Variants in EFCAB7 observed in about 807,000 individuals in gnomAD.
EFCAB7 encodes EF-hand calcium binding domain 7, also known as EF-hand calcium-binding domain-containing protein 7.
In EFCAB7, 66 loss-of-function variants were observed where a neutral mutation model predicts 77.1. That is an observed-to-expected ratio of 0.86 (90% confidence interval 0.70 to 1.05). The LOEUF is 1.05. EFCAB7 is among the 50% of genes least tolerant of loss of function. The pLI, the probability that EFCAB7 is intolerant of heterozygous loss-of-function variation, is 0.00. For synonymous variants in EFCAB7, 225 were observed against 243.3 expected (o/e 0.92, Z 0.70); for missense variants, 638 against 730.5 (o/e 0.87, Z 1.46).
At chr1:63,523,853 G>C (rs933490009) in intron 1 of EFCAB7, among the ~76,000 whole-genome samples, 1 of 151,980 alleles carries the variant, frequency 6.6e-6, no homozygotes, top group African/African-American at 2.4e-5. Flanking sequence ...GTGTAGGGAC[G>C]GTGACTGGAC....
intron 6 of EFCAB7, among the ~76,000 whole-genome samples, chr1:63,539,491 A>G (rs1004863836): frequency 2.0e-5 from 3 of 152,232 alleles, no homozygotes; most frequent in Non-Finnish European, 4.4e-5. Context: ...GGCTTAAAAA[A>G]TCACTGCAGA....
chr1:63,530,469 T>G (rs1646676391), intron 2 of EFCAB7, among the ~76,000 whole-genome samples: 1 of 152,230 alleles, frequency 6.6e-6, no homozygotes, highest in African/African-American at 2.4e-5. Flanking sequence ...TATGCAGAGA[T>G]TTATTTGCAA....
At chr1:63,533,964 C>G in intron 5 of EFCAB7, 131 bp from the exon 6 acceptor site, 1 of 1,041,432 alleles carries the variant, frequency 9.6e-7, no homozygotes, top group Non-Finnish European at 1.4e-6. Context: ...AAACTTCTGA[C>G]TTTATTTCAA....
chr1:63,574,575 TG>T (rs1647357534), downstream of EFCAB7, among the ~76,000 whole-genome samples: 2 of 152,340 alleles, frequency 1.3e-5, no homozygotes, highest in African/African-American at 4.8e-5. Context: ...TGCCTTTTGA[TG>T]GCTGCTTTTT....
chr1:63,557,044 A>G, intron 9 of EFCAB7, 70 bp from the exon 10 acceptor site: 1 of 1,366,732 alleles, frequency 7.3e-7, no homozygotes, highest in Non-Finnish European at 9.7e-7. Flanking sequence ...TCTCAAAAAA[A>G]AAAAAAAAAC....
intron 2 of EFCAB7, among the ~76,000 whole-genome samples, chr1:63,525,991 C>T (rs955468755): frequency 6.6e-6 from 1 of 152,092 alleles, no homozygotes; most frequent in Non-Finnish European, 1.5e-5. Context: ...AAGCTTCTAT[C>T]AATTACTACT....
intron 7 of EFCAB7, chr1:63,550,557 AT>A (rs943528711): frequency 5.1e-4 from 78 of 152,038 alleles, no homozygotes; most frequent in African/African-American, 1.7e-3. Context: ...CAATTTGTTT[AT>A]ATTTTTATTA....
chr1:63,535,989 G>A (rs1213270349), intron 6 of EFCAB7, among the ~76,000 whole-genome samples: 1 of 152,100 alleles, frequency 6.6e-6, no homozygotes, highest in Non-Finnish European at 1.5e-5. Context: ...ATAGGGGCAG[G>A]TGTAATAGAA....
intron 1 of EFCAB7, among the ~76,000 whole-genome samples, chr1:63,524,496 G>T (rs1425174579): frequency 1.3e-5 from 2 of 152,140 alleles, no homozygotes; most frequent in African/African-American, 4.8e-5. Context: ...ATTCGAAAAG[G>T]TGCAAGTGAT....
intron 6 of EFCAB7, among the ~76,000 whole-genome samples, chr1:63,535,430 T>G (rs1646751572): frequency 6.6e-6 from 1 of 152,124 alleles, no homozygotes; most frequent in Admixed American, 6.5e-5. Flanking sequence ...AGCATAGTAT[T>G]TATTCATTCA....
At chr1:63,575,595 A>AT (rs916166668), downstream of EFCAB7, among the ~76,000 whole-genome samples, 4 of 151,676 alleles carry the variant, frequency 2.6e-5, no homozygotes, top group South Asian at 2.1e-4. Flanking sequence ...TATAACACCC[A>AT]TTTTTTTTGA....
intron 11 of EFCAB7, among the ~76,000 whole-genome samples, chr1:63,566,858 A>G (rs1202634946): frequency 6.7e-6 from 1 of 149,556 alleles, no homozygotes; most frequent in Non-Finnish European, 1.5e-5. Context: ...TTTATTATAC[A>G]AATATTTTAT....
At chr1:63,553,327 C>T (rs12058698) in intron 8 of EFCAB7, among the ~76,000 whole-genome samples, 2,756 of 152,074 alleles carry the variant, frequency 0.018, 78 homozygotes, top group African/African-American at 0.063. Context: ...ATTTGGTAAA[C>T]ATTTCATTTT....
chr1:63,579,511 T>C, the EFCAB7 span, among the ~76,000 whole-genome samples: 2 of 152,232 alleles, frequency 1.3e-5, no homozygotes, highest in Non-Finnish European at 2.9e-5. Flanking sequence ...ATAAAGTTCA[T>C]CTACAGATTT....
At chr1:63,547,264 G>C (rs1646909815) in intron 7 of EFCAB7, 1 of 152,140 alleles carries the variant, frequency 6.6e-6, no homozygotes, top group African/African-American at 2.4e-5. Flanking sequence ...TTATCAAATA[G>C]TTATCGAGGG....
chr1:63,548,502 T>C (rs1646926414), intron 7 of EFCAB7: 1 of 152,212 alleles, frequency 6.6e-6, no homozygotes, highest in African/African-American at 2.4e-5. Context: ...CTTGGGGTTC[T>C]CTGAGCTTCT....
chr1:63,539,554 GA>G (rs1297908524), intron 6 of EFCAB7, among the ~76,000 whole-genome samples: 1 of 152,170 alleles, frequency 6.6e-6, no homozygotes, highest in African/African-American at 2.4e-5. Context: ...ACACTGGAGA[GA>G]AAGTAAGGAG....
intron 8 of EFCAB7, among the ~76,000 whole-genome samples, chr1:63,553,615 G>C (rs1000296826): frequency 6.6e-6 from 1 of 152,186 alleles, no homozygotes; most frequent in South Asian, 2.1e-4. Flanking sequence ...TGGGATTACA[G>C]GCTTGAGCCA....
At chr1:63,531,393 G>T (rs1289297194) in intron 2 of EFCAB7, among the ~76,000 whole-genome samples, 1 of 152,072 alleles carries the variant, frequency 6.6e-6, no homozygotes, top group Non-Finnish European at 1.5e-5. Flanking sequence ...AGTCATTAAG[G>T]TATTTATTTA....
Sources: gnomAD v4.1 joint callset for allele counts (sites outside exome capture counted in the v4.1 genomes callset) on GRCh38, gnomAD v4.1.1 for gene constraint, MANE v1.5 for transcripts, NCBI Gene and HGNC (gene_info 2026-07-23, HGNC 2026-07-21) for gene names.